TMEM232: variants seen among roughly 807,000 people sequenced by gnomAD.
TMEM232 encodes transmembrane protein 232.
In TMEM232, 80 loss-of-function variants were observed where a neutral mutation model predicts 78.8. The observed-to-expected ratio is 1.01, with a 90% CI of 0.85 to 1.22. The LOEUF (loss-of-function observed/expected upper bound fraction) is 1.22. Ranked by LOEUF, TMEM232 falls within the 50% of genes most tolerant of loss-of-function variation. The pLI is 0.00. For synonymous variants in TMEM232, 297 were observed against 254.3 expected, an observed-to-expected ratio of 1.17 and a Z score of -1.60; for missense variants, 881 against 742.2, an observed-to-expected ratio of 1.19 and a Z score of -2.17.
At position 110,594,209 on chromosome 5, in the gene TMEM232, G is replaced by A. The variant is rs1779877498; in HGVS notation, c.1276+10900C>T. Among the ~76,000 whole-genome samples, 3 of 152,012 alleles carry A rather than the reference G, an allele frequency of 2.0e-5. No individual in the cohort carries two copies. The South Asian group carries it at 6.2e-4, about 32-fold the overall frequency. ...CACCCGGGAAGAGCAATGGGCTGGGGAACTACCTTCCCTAGCCAGGAGAAG... is the reference window on the plus strand; with the variant it reads ...CACCCGGGAAGAGCAATGGGCTGGGAAACTACCTTCCCTAGCCAGGAGAAG... On this transcript the variant is annotated intron_variant, in intron 10 of 13. Transcript: ENST00000455884.
At chr5:110,563,555 G>C (rs1026622839) in intron 11 of TMEM232, among the ~76,000 whole-genome samples, 13 of 151,834 alleles carry the variant, frequency 8.6e-5, no homozygotes, top group Non-Finnish European at 1.9e-4. Context: ...TGGGTGAGGT[G>C]ACTATACGCC....
At chr5:110,417,136 G>C (rs896300723), downstream of TMEM232, among the ~76,000 whole-genome samples, 2 of 152,116 alleles carry the variant, frequency 1.3e-5, no homozygotes, top group African/African-American at 4.8e-5. Context: ...AGGGAGTCTT[G>C]AGTTTATTCT....
intron 11 of TMEM232, among the ~76,000 whole-genome samples, chr5:110,548,594 G>A (rs1774074411): frequency 6.6e-6 from 1 of 151,758 alleles, no homozygotes; most frequent in South Asian, 2.1e-4. Flanking sequence ...GCAAATATGA[G>A]ACTATTTTAA....
chr5:110,644,877 CAAAT>C (rs1444804931), intron 2 of TMEM232, among the ~76,000 whole-genome samples: 1 of 150,528 alleles, frequency 6.6e-6, no homozygotes, highest in Admixed American at 6.6e-5. Context: ...AAAAAGAAGT[CAAAT>C]AAATAAAATC....
chr5:110,646,041 CATTT>C (rs1392208022), intron 2 of TMEM232, among the ~76,000 whole-genome samples: 2 of 151,322 alleles, frequency 1.3e-5, no homozygotes, highest in African/African-American at 4.8e-5. Context: ...AATTATAAAA[CATTT>C]ATAAAGGAAT....
chr5:110,586,273 C>A (rs1022236232), intron 10 of TMEM232, among the ~76,000 whole-genome samples: 11 of 151,740 alleles, frequency 7.2e-5, no homozygotes, highest in Non-Finnish European at 1.3e-4. Flanking sequence ...TTTTACATTT[C>A]TGTATAAATT....
intron 12 of TMEM232, among the ~76,000 whole-genome samples, chr5:110,493,335 T>C (rs1765306674): frequency 6.6e-6 from 1 of 151,268 alleles, no homozygotes; most frequent in Non-Finnish European, 1.5e-5. Context: ...ACCAGTCTAA[T>C]TCCAAAATGT....
chr5:110,626,030 A>G (rs1389307781), intron 6 of TMEM232, among the ~76,000 whole-genome samples: 1 of 151,966 alleles, frequency 6.6e-6, no homozygotes, highest in African/African-American at 2.4e-5. Flanking sequence ...ATTAATAATG[A>G]CCATTCTACT....
intron 1 of TMEM232, among the ~76,000 whole-genome samples, chr5:110,669,094 C>G (rs1198536444): frequency 5.3e-5 from 8 of 152,068 alleles, no homozygotes; most frequent in Non-Finnish European, 1.2e-4. Flanking sequence ...CAAACACATT[C>G]AAAAGCTAGC....
intron 12 of TMEM232, among the ~76,000 whole-genome samples, chr5:110,505,424 G>A: frequency 6.6e-6 from 1 of 152,180 alleles, no homozygotes; most frequent in East Asian, 1.9e-4. Context: ...TCTGCTACCT[G>A]AATTGTTTGC....
At chr5:110,460,666 TTTTC>T (rs1164623478) in intron 12 of TMEM232, among the ~76,000 whole-genome samples, 4 of 143,546 alleles carry the variant, frequency 2.8e-5, no homozygotes, top group African/African-American at 1.2e-4. Context: ...GATATTGCAT[TTTTC>T]TTTTTTTTTT....
intron 2 of TMEM232, among the ~76,000 whole-genome samples, chr5:110,647,307 C>A (rs1472882032): frequency 6.6e-6 from 1 of 151,840 alleles, no homozygotes; most frequent in African/African-American, 2.4e-5. Context: ...CAGTGTTCAT[C>A]AAAGAATGTC....
At chr5:110,417,159 G>A (rs535954448), downstream of TMEM232, among the ~76,000 whole-genome samples, 18 of 152,232 alleles carry the variant, frequency 1.2e-4, no homozygotes, top group Middle Eastern at 3.4e-3. Context: ...CAAAATAAAC[G>A]TAAGCATAAA....
intron 1 of TMEM232, among the ~76,000 whole-genome samples, chr5:110,680,289 C>T (rs1039112465): frequency 6.7e-6 from 1 of 148,940 alleles, no homozygotes; most frequent in African/African-American, 2.5e-5. Flanking sequence ...TCCAGCTACT[C>T]GGGAGGCTGA....
intron 11 of TMEM232, among the ~76,000 whole-genome samples, chr5:110,560,874 A>C (rs1775662092): frequency 6.6e-6 from 1 of 152,132 alleles, no homozygotes; most frequent in Admixed American, 6.6e-5. Context: ...AAATCTTCTC[A>C]TATTTTCATA....
intron 8 of TMEM232, among the ~76,000 whole-genome samples, chr5:110,609,024 C>A (rs1054265581): frequency 1.6e-4 from 25 of 152,042 alleles, no homozygotes; most frequent in Non-Finnish European, 3.5e-4. Context: ...TATATACATA[C>A]ACACATGCAC....
At chr5:110,398,813 T>G (rs767022006) in intron 2 of TMEM232, among the ~76,000 whole-genome samples, 2 of 152,106 alleles carry the variant, frequency 1.3e-5, no homozygotes, top group East Asian at 1.9e-4. Flanking sequence ...ACTAGTGGTG[T>G]TGTTTGATAA....
intron 10 of TMEM232, among the ~76,000 whole-genome samples, chr5:110,591,683 T>C (rs1240495643): frequency 6.6e-6 from 1 of 152,156 alleles, no homozygotes; most frequent in Non-Finnish European, 1.5e-5. Flanking sequence ...AAATAAGTTT[T>C]AGAAAAATTA....
intron 2 of TMEM232, among the ~76,000 whole-genome samples, chr5:110,657,040 T>A (rs1789175708): frequency 6.6e-6 from 1 of 152,152 alleles, no homozygotes; most frequent in South Asian, 2.1e-4. Context: ...TCACTTTCAA[T>A]ATTTATCATT....
Sources: allele counts gnomAD v4.1 joint callset (sites outside exome capture counted in the v4.1 genomes callset), GRCh38; gene constraint gnomAD v4.1.1; transcripts MANE v1.5; gene names NCBI Gene and HGNC (gene_info 2026-07-23, HGNC 2026-07-21).